The following GMFG variants were observed in gnomAD, a reference collection of about 807,000 sequenced individuals.
GMFG encodes the protein glia maturation factor gamma.
In GMFG, 21 loss-of-function variants were observed where a neutral mutation model predicts 26.1. The observed-to-expected ratio is 0.80, with a 90% CI of 0.57 to 1.16. The LOEUF (loss-of-function observed/expected upper bound fraction) is 1.16, where lower values mean the gene tolerates loss of function less well. Among genes scored for constraint, GMFG ranks in the 50% most tolerant of loss-of-function variants. The pLI is 0.00. For synonymous variants in GMFG, 65 were observed against 60.8 expected (o/e 1.07, Z -0.32); for missense variants, 161 against 178.3 (o/e 0.90, Z 0.55).
At chr19:39,329,159 C>T (rs890088129) in intron 5 of GMFG, 86 bp from the exon 6 acceptor site, 9 of 911,760 alleles carry the variant, frequency 9.9e-6, no homozygotes, top group Admixed American at 7.3e-5. Context: ...GGCCCTGCAG[C>T]TTGCCAAGGG....
chr19:39,328,709 ACT>A (rs1161587786), intron 6 of GMFG, 161 bp from the exon 7 acceptor site: 10 of 619,178 alleles, frequency 1.6e-5, no homozygotes, highest in Middle Eastern at 4.2e-4. Flanking sequence ...TGAAACCCTG[ACT>A]CTACTAAAAA....
rs1555713981 is a variant in GMFG, at chr19:39,328,554, C to G, written c.358-6G>C. 6.2e-7 allele frequency: 1 copy of G among 1,606,214 alleles called. No individual in the cohort carries two copies. Among genetic ancestry groups the G allele is most frequent in the Non-Finnish European group, 8.5e-7 (1 of 1,173,050 alleles). On this transcript the variant is annotated splice_polypyrimidine_tract_variant and splice_region_variant and intron_variant, in intron 6 of 6. Transcript: ENST00000597595. ...GTGGTGCGGATTTCGAACACCTGGG[C>G]AGAGAGAGGTCTCGGCATTATGATC...
At chr19:39,330,981 T>G (rs2075224097) in intron 4 of GMFG, among the ~76,000 whole-genome samples, 1 of 151,902 alleles carries the variant, frequency 6.6e-6, no homozygotes, top group Non-Finnish European at 1.5e-5. Flanking sequence ...CAAGCAGTAC[T>G]CCCACCTCAG....
rs1451226448 is a variant in GMFG at position 39,329,625 on chromosome 19, A to G, written c.202T>C (p.Phe68Leu). The change falls in exon 5 of 7, where the codon TTC becomes CTC. Residue 68 changes from phenylalanine (F) to leucine (L), a missense_variant and splice_region_variant. Transcript: ENST00000597595. ...ACGTACTTGTAGCTGTAAACCACGA[A>G]CCTACCGTGAAAGGGAATTGAAAAT... The part of the protein sequence containing the change: ...KMELPERQPR[F>L]VVYSYKYVHD... 2 of 1,597,094 alleles carry G rather than the reference A, an allele frequency of 1.3e-6. No homozygotes were observed. The highest frequency in any genetic ancestry group is 8.6e-7 in the Non-Finnish European group (1 of 1,164,692).
intron 4 of GMFG, among the ~76,000 whole-genome samples, chr19:39,331,983 TCC>T (rs1203663858): frequency 6.6e-6 from 1 of 151,040 alleles, no homozygotes; most frequent in Middle Eastern, 3.5e-3. Flanking sequence ...GACATCAGCC[TCC>T]CAAGTAGCTG....
Position 39,335,523 on chromosome 19 carries a change from G to A in GMFG, c.12C>T (p.Ser4=), listed in dbSNP as rs1228380434. The A allele has an allele frequency of 6.2e-7, 1 of 1,612,188 alleles. No homozygotes were observed. The highest frequency in any genetic ancestry group is 2.2e-5 in the East Asian group (1 of 44,864). The change falls in exon 2 of 7, where the codon TCC becomes TCT. Residue 4 remains serine, a synonymous_variant. Transcript: ENST00000597595. The part of the protein sequence containing the change: MSD[S]LVVCEVDPEL... ...CTGGGTCTACCTCGCACACCACCAG[G>A]GAGTCAGACTGCCGGAGGGACCCAG...
chr19:39,329,183 T>A (rs1162180285), intron 5 of GMFG, 110 bp from the exon 6 acceptor site: 2 of 714,890 alleles, frequency 2.8e-6, no homozygotes, highest in Non-Finnish European at 5.0e-6. Flanking sequence ...TAGGAGCTCT[T>A]CTAAGGAGGT....
chr19:39,330,473 G>T (rs2075221953), intron 4 of GMFG, among the ~76,000 whole-genome samples: 1 of 152,102 alleles, frequency 6.6e-6, no homozygotes, highest in Non-Finnish European at 1.5e-5. Context: ...CTGTTGCCCA[G>T]GCTGGAGTGC....
At chr19:39,329,114 A>G in intron 5 of GMFG, 41 bp from the exon 6 acceptor site, 1 of 1,403,986 alleles carries the variant, frequency 7.1e-7, no homozygotes, top group Non-Finnish European at 1.0e-6. Flanking sequence ...GTGGGGACCC[A>G]GGCGTGTTCT....
In GMFG at chr19:39,335,992, A is replaced by G; in HGVS notation, c.-16T>C. On this transcript the variant is annotated 5_prime_UTR_variant, in exon 1 of 7. Transcript: ENST00000597595. ...CCCTGACCATGATTGTTCTGTCCAC[A>G]GGCCTCTTCTTTTCTTAGTTCCGCT... 6.2e-7 allele frequency: 1 copy of G among 1,600,282 alleles called. No individual in the cohort carries two copies. Among genetic ancestry groups the G allele is most frequent in the South Asian group, 1.1e-5 (1 of 90,746 alleles).
chr19:39,332,525 G>C (rs572268923), intron 4 of GMFG, among the ~76,000 whole-genome samples: 1 of 125,770 alleles, frequency 8.0e-6, no homozygotes, highest in East Asian at 2.6e-4. Context: ...ACTCAACAAA[G>C]TTTGTACAAA....
At chr19:39,329,112 C>G in intron 5 of GMFG, 39 bp from the exon 6 acceptor site, 2 of 1,420,674 alleles carry the variant, frequency 1.4e-6, no homozygotes, top group South Asian at 1.1e-5. Flanking sequence ...CAGTGGGGAC[C>G]CAGGCGTGTT....
In GMFG at chr19:39,328,396, G is replaced by A. The variant is rs1305256750; in HGVS notation, c.*81C>T. 1 of 877,764 alleles carries A rather than the reference G, an allele frequency of 1.1e-6. No homozygotes were observed. The allele number at this position is 877,764 out of a possible 1,614,324, so 54.4% of individuals were successfully genotyped here. ...CATTTTAAAATTTATTTAAAGTCTT[G>A]GTTGTTCAGGTCCTAGGGGTTCCAA... is the stretch of plus-strand genomic sequence containing the variant. On this transcript the variant is annotated 3_prime_UTR_variant, in exon 7 of 7. Coordinates refer to ENST00000597595, the MANE Select transcript of GMFG (RefSeq NM_004877.4).
At chr19:39,329,732 AG>A (rs2075219132) in intron 4 of GMFG, 106 bp from the exon 5 acceptor site, 2 of 737,540 alleles carry the variant, frequency 2.7e-6, no homozygotes, top group South Asian at 3.0e-5. Flanking sequence ...CTGAGAACCC[AG>A]GGTTGATGTC....
chr19:39,328,396 G>T lies in GMFG; in HGVS notation c.*81C>A. The stretch of plus-strand genomic sequence containing the variant: ...CATTTTAAAATTTATTTAAAGTCTT[G>T]GTTGTTCAGGTCCTAGGGGTTCCAA... On this transcript the variant is annotated 3_prime_UTR_variant, in exon 7 of 7. Coordinates refer to ENST00000597595, the MANE Select transcript of GMFG (RefSeq NM_004877.4). The T allele has an allele frequency of 4.6e-6, 4 of 877,764 alleles. No individual in the cohort carries two copies. Among genetic ancestry groups the T allele is most frequent in the Non-Finnish European group, 5.8e-6 (3 of 519,186 alleles). The allele number at this position is 877,764 out of a possible 1,614,324, so 54.4% of individuals were successfully genotyped here.
Position 39,333,101 on chromosome 19 carries a change from A to G in GMFG, c.176T>C (p.Met59Thr), listed in dbSNP as rs932282367. 1.3e-6 allele frequency: 2 copies of G among 1,591,066 alleles called. No individual in the cohort carries two copies. The highest frequency in any genetic ancestry group is 1.7e-6 in the Non-Finnish European group (2 of 1,164,496). The change falls in exon 4 of 7, where the codon ATG becomes ACG. Residue 59 changes from methionine to threonine, a missense_variant. Coordinates refer to ENST00000597595, the MANE Select transcript of GMFG (RefSeq NM_004877.4). ...FQNISPEELK[M>T]ELPERQPRFV... ...CCTGGGCTGTCTCTCCGGCAACTCC[A>G]TTTTGAGCTCCTCTGGGGAAATGTT...
chr19:39,328,716 T>A (rs1045679223), intron 6 of GMFG, 168 bp from the exon 7 acceptor site: 1 of 614,980 alleles, frequency 1.6e-6, no homozygotes, highest in South Asian at 1.9e-5. Flanking sequence ...CTGACTCTAC[T>A]AAAAATACAA....
chr19:39,331,736 C>A (rs2075227076), intron 4 of GMFG, among the ~76,000 whole-genome samples: 1 of 152,152 alleles, frequency 6.6e-6, no homozygotes, highest in South Asian at 2.1e-4. Context: ...GATCACAGCA[C>A]TGCCCAATAG....
At chr19:39,334,553 C>G (rs547647503) in intron 3 of GMFG, among the ~76,000 whole-genome samples, 5 of 152,166 alleles carry the variant, frequency 3.3e-5, no homozygotes, top group Non-Finnish European at 7.3e-5. Context: ...CAGGCATGAG[C>G]CACCATGCCT....
Sources: gnomAD v4.1 joint callset for allele counts (sites outside exome capture counted in the v4.1 genomes callset) on GRCh38, gnomAD v4.1.1 for gene constraint, MANE v1.5 for transcripts, NCBI Gene and HGNC (gene_info 2026-07-23, HGNC 2026-07-21) for gene names.